Variants in SLC66A2 observed in about 807,000 individuals in gnomAD.
The protein encoded by SLC66A2 is PQ loop repeat containing 1.
Under a neutral mutation model 25.5 loss-of-function variants are expected in SLC66A2, and 23 were observed. The ratio of observed to expected loss-of-function variants is 0.90; its 90% confidence interval spans 0.65 to 1.28. The LOEUF is 1.28. Among genes scored for constraint, SLC66A2 ranks in the 50% most tolerant of loss-of-function variants. The pLI is 0.00. For synonymous variants in SLC66A2, 193 were observed against 166.5 expected (o/e 1.16, Z -1.23); for missense variants, 396 against 373.1 (o/e 1.06, Z -0.51).
chr18:79,912,489 G>A (rs1983376520), intron 5 of SLC66A2, among the ~76,000 whole-genome samples: 1 of 152,166 alleles, frequency 6.6e-6, no homozygotes, highest in East Asian at 1.9e-4. Flanking sequence ...CCAAGCACAA[G>A]GTCACATATC....
At position 79,950,827 on chromosome 18, in the gene SLC66A2, C is replaced by A. The variant is rs767244950; in HGVS notation, c.100G>T (p.Val34Phe). Residue 34 changes from valine to phenylalanine, a missense_variant, in exon 2 of 6, where the codon GTC becomes TTC. Val to Phe is a conservative substitution (Grantham distance 50). Coordinates refer to ENST00000397778, the MANE Select transcript of SLC66A2 (RefSeq NM_025078.5). ...AMVFGGVVPY[V>F]PQYRDIRRTQ... ...CTGCGAATGTCCCGATACTGCGGGA[C>A]GTAGGGCACCACCCCTCCGAAGACC... The A allele has an allele frequency of 6.2e-7, 1 of 1,612,634 alleles. No homozygotes were observed. Among genetic ancestry groups the A allele is most frequent in the Admixed American group, 1.7e-5 (1 of 59,984 alleles).
intron 5 of SLC66A2, among the ~76,000 whole-genome samples, chr18:79,907,330 T>A (rs1305731361): frequency 8.0e-6 from 1 of 125,120 alleles, no homozygotes. Context: ...TATCTCTTTG[T>A]ATAGTTTTTT....
At position 79,937,815 on chromosome 18, in the gene SLC66A2, C is replaced by A. The variant is rs142146311; in HGVS notation, c.338-3793G>T. On this transcript the variant is annotated intron_variant, in intron 3 of 5. Coordinates refer to ENST00000397778, the MANE Select transcript of SLC66A2 (RefSeq NM_025078.5). The surrounding 1 kb of genome is among the most constrained non-coding windows in gnomAD (Gnocchi z 5.4). ...TCCACATCCCAGGGACATAAAGACA[C>A]GAGGAAACACCAGGAGTGCCATCTC... is the stretch of plus-strand genomic sequence containing the variant. Among the ~76,000 whole-genome samples, 1 of 152,102 alleles carries A rather than the reference C, an allele frequency of 6.6e-6. No individual in the cohort carries two copies. Among genetic ancestry groups the A allele is most frequent in the Non-Finnish European group, 1.5e-5 (1 of 68,008 alleles).
At chr18:79,907,999 A>T (rs974596442) in intron 5 of SLC66A2, among the ~76,000 whole-genome samples, 2 of 152,206 alleles carry the variant, frequency 1.3e-5, no homozygotes, top group African/African-American at 4.8e-5. Context: ...CTTAGCACCA[A>T]GTTCACTATC....
chr18:79,922,813 G>C (rs1270057849), intron 4 of SLC66A2, among the ~76,000 whole-genome samples: 2 of 146,498 alleles, frequency 1.4e-5, no homozygotes, highest in East Asian at 4.2e-4. Context: ...GGGTGCTGAG[G>C]GGTGAGGATA....
intron 3 of SLC66A2, among the ~76,000 whole-genome samples, chr18:79,938,624 G>A (rs530145720): frequency 6.6e-6 from 1 of 152,338 alleles, no homozygotes; most frequent in African/African-American, 2.4e-5. Flanking sequence ...AGCATGCCAC[G>A]AGGTTCAAAG....
intron 4 of SLC66A2, among the ~76,000 whole-genome samples, chr18:79,923,131 G>T (rs12955612): frequency 0.19 from 28,853 of 150,350 alleles, 2,879 homozygotes; most frequent in South Asian, 0.26. Flanking sequence ...ACAGCGGGGC[G>T]TGGGCTCATG....
Position 79,902,603 on chromosome 18 carries a change from C to T in SLC66A2, c.*1373G>A, listed in dbSNP as rs1168478322. ...GCCAAAGAGCTAAGCAGGACCCTCA[C>T]TCAGACATTCAAGAGTGTTTCCGAG... On this transcript the variant is annotated 3_prime_UTR_variant, in exon 6 of 6. Transcript: ENST00000397778. 6.6e-6 allele frequency: 1 copy of T among 152,440 alleles called. No individual in the cohort carries two copies. The highest frequency in any genetic ancestry group is 1.5e-5 in the Non-Finnish European group (1 of 68,060). 9.4% of individuals were successfully genotyped at this position (152,440 alleles called of 1,614,324 possible).
Position 79,918,648 on chromosome 18 carries a change from C to T in SLC66A2, c.608+536G>A, listed in dbSNP as rs534137623. On this transcript the variant is annotated intron_variant, in intron 5 of 5. Coordinates refer to ENST00000397778, the MANE Select transcript of SLC66A2 (RefSeq NM_025078.5). The surrounding 1 kb of genome is among the most constrained non-coding windows in gnomAD (Gnocchi z 4.0). ...TGCTCGCGTTGTGCCCTACCTCTGGCGGTCACGGGGACGTCCAGGCACGCA... is the reference window on the plus strand; with the variant it reads ...TGCTCGCGTTGTGCCCTACCTCTGGTGGTCACGGGGACGTCCAGGCACGCA... 9.3e-4 allele frequency among the ~76,000 whole-genome samples: 142 copies of T among 152,370 alleles called. 1 individual carries two copies. Among genetic ancestry groups the T allele is most frequent in the Admixed American group, 2.5e-3 (38 of 15,312 alleles).
chr18:79,944,858 GA>G (rs903502159), intron 2 of SLC66A2, among the ~76,000 whole-genome samples: 2 of 147,260 alleles, frequency 1.4e-5, no homozygotes, highest in African/African-American at 5.0e-5. Flanking sequence ...GAAGAAGGGG[GA>G]ACCCCGCAGC....
Position 79,904,080 on chromosome 18 carries a change from C to A in SLC66A2, c.712G>T (p.Val238Leu), listed in dbSNP as rs201258274. The change falls in exon 6 of 6, where the codon GTG becomes TTG. Residue 238 changes from valine (V) to leucine (L), a missense_variant. Coordinates refer to ENST00000397778, the MANE Select transcript of SLC66A2 (RefSeq NM_025078.5). The surrounding 1 kb of genome is among the most constrained non-coding windows in gnomAD (Gnocchi z 6.3). ...CCCAGGATGGCCAGGTCCACCAGCA[C>A]CTGCAGCAGGCCGCACACGGAGAAC... ...LQFSVCGLLQ[V>L]LVDLAILGQA... 4.1e-5 allele frequency: 66 copies of A among 1,612,354 alleles called. 1 individual carries two copies. Among genetic ancestry groups the A allele is most frequent in the Admixed American group, 2.2e-4 (13 of 59,944 alleles).
intron 4 of SLC66A2, among the ~76,000 whole-genome samples, chr18:79,930,864 G>C (rs116270591): frequency 1.1e-3 from 162 of 152,070 alleles, no homozygotes; most frequent in African/African-American, 3.6e-3. Flanking sequence ...GTATATAAAG[G>C]AACAATCAGA....
chr18:79,918,561 A>T lies in SLC66A2; in HGVS notation c.608+623T>A, dbSNP rs1984566636. 6.6e-6 allele frequency among the ~76,000 whole-genome samples: 1 copy of T among 152,140 alleles called. No homozygotes were observed. The highest frequency in any genetic ancestry group is 1.9e-4 in the East Asian group (1 of 5,180). On this transcript the variant is annotated intron_variant, in intron 5 of 5. Transcript: ENST00000397778. The surrounding 1 kb of genome is among the most constrained non-coding windows in gnomAD (Gnocchi z 4.0). Reference sequence around the variant, plus strand: ...TTTCTGCCCCCGCCACAGCGAGCAGATCTGTTTTTATTACAATGCAGTTTC... The same window carrying T: ...TTTCTGCCCCCGCCACAGCGAGCAGTTCTGTTTTTATTACAATGCAGTTTC...
At chr18:79,915,290 C>T (rs948694663) in intron 5 of SLC66A2, 1 of 152,330 alleles carries the variant, frequency 6.6e-6, no homozygotes, top group African/African-American at 2.4e-5. Context: ...CCAGCCCCAC[C>T]CCCTCCGCAT....
At chr18:79,914,920 G>A (rs544391983) in intron 5 of SLC66A2, among the ~76,000 whole-genome samples, 2 of 152,372 alleles carry the variant, frequency 1.3e-5, no homozygotes, top group South Asian at 4.1e-4. Context: ...GGCAGCTGCT[G>A]GGCCTCCAGA....
In SLC66A2 at chr18:79,917,509, C is replaced by G. The variant is rs539702546; in HGVS notation, c.608+1675G>C. Among the ~76,000 whole-genome samples, 1 of 152,146 alleles carries G rather than the reference C, an allele frequency of 6.6e-6. No individual in the cohort carries two copies. Reference sequence around the variant, plus strand: ...AGATCTCCAGGTCGCAAGCTCGGCACGCGGGCACTGCCCACAGGATCTCCA... The same window carrying G: ...AGATCTCCAGGTCGCAAGCTCGGCAGGCGGGCACTGCCCACAGGATCTCCA... On this transcript the variant is annotated intron_variant, in intron 5 of 5. Coordinates refer to ENST00000397778, the MANE Select transcript of SLC66A2 (RefSeq NM_025078.5). The surrounding 1 kb of genome is among the most constrained non-coding windows in gnomAD (Gnocchi z 6.0).
intron 5 of SLC66A2, among the ~76,000 whole-genome samples, chr18:79,915,097 G>A (rs532091792): frequency 2.0e-5 from 3 of 152,324 alleles, no homozygotes; most frequent in South Asian, 2.1e-4. Flanking sequence ...CAGAGGCAAC[G>A]TCCCCACAAG....
At position 79,943,351 on chromosome 18, in the gene SLC66A2, G is replaced by A. The variant is rs756351371; in HGVS notation, c.315C>T (p.Asn105=). The A allele has an allele frequency of 3.9e-5, 63 of 1,614,054 alleles. No homozygotes were observed. The highest frequency in any genetic ancestry group is 8.8e-5 in the South Asian group (8 of 91,086). The part of the protein sequence containing the change: ...CTEVRVANEL[N]ARRRSFTAAD... Reference sequence around the variant, plus strand: ...AACCTGTAAAGGAGCGGCGCCTGGCGTTGAGCTCGTTGGCCACACGGACCT... The same window carrying A: ...AACCTGTAAAGGAGCGGCGCCTGGCATTGAGCTCGTTGGCCACACGGACCT... Residue 105 remains asparagine, a synonymous_variant, in exon 3 of 6, where the codon AAC becomes AAT. Transcript: ENST00000397778.
chr18:79,919,138 G>T, intron 5 of SLC66A2, 46 bp downstream of exon 5: 1 of 1,526,358 alleles, frequency 6.6e-7, no homozygotes, highest in Non-Finnish European at 9.1e-7. Flanking sequence ...CAGCCATGTG[G>T]TGCCTCTGGA....
Sources: gnomAD v4.1 joint callset for allele counts (sites outside exome capture counted in the v4.1 genomes callset) on GRCh38, gnomAD v4.1.1 for gene constraint, Gnocchi (gnomAD v3.1) non-coding constraint, MANE v1.5 for transcripts, NCBI Gene and HGNC (gene_info 2026-07-23, HGNC 2026-07-21) for gene names.